The following RUNX1 variants were observed in gnomAD, a reference collection of about 807,000 sequenced individuals.
RUNX1 encodes the protein runt-related transcription factor 1.
In RUNX1, 19 loss-of-function variants were observed where a neutral mutation model predicts 42.8. The ratio of observed to expected loss-of-function variants is 0.44; its 90% CI spans 0.31 to 0.65. RUNX1 has a LOEUF of 0.65. RUNX1 is among the 30% of genes least tolerant of loss of function. RUNX1 has a pLI of 0.07. For synonymous variants in RUNX1, 271 were observed against 289.4 expected, an observed-to-expected ratio of 0.94 and a Z score of 0.64; for missense variants, 528 against 672.0, an observed-to-expected ratio of 0.79 and a Z score of 2.37.
chr21:34,940,118 T>C (rs2058515817), intron 2 of RUNX1, among the ~76,000 whole-genome samples: 1 of 152,194 alleles, frequency 6.6e-6, no homozygotes, highest in South Asian at 2.1e-4. Context: ...TTCCGATGGT[T>C]TTTTTGCTGT....
intron 5 of RUNX1, among the ~76,000 whole-genome samples, chr21:34,875,156 GC>G (rs2057796204): frequency 6.6e-6 from 1 of 152,256 alleles, no homozygotes; most frequent in Non-Finnish European, 1.5e-5. Context: ...CCTGTTGCAA[GC>G]ACAAGCAGTT....
At position 34,925,830 on chromosome 21, in the gene RUNX1, C is replaced by T. The variant is rs371004345; in HGVS notation, c.59-32867G>A. Among the ~76,000 whole-genome samples the T allele has an allele frequency of 2.6e-4, 39 of 152,124 alleles. No homozygotes were observed. The East Asian group carries it at 3.3e-3, about 13-fold the overall frequency. Reference sequence around the variant, plus strand: ...AAAGAGGTTCGAGAAATAATTGGTACGTAAATGTTGAATGGGTGCATGAAA... The same window carrying T: ...AAAGAGGTTCGAGAAATAATTGGTATGTAAATGTTGAATGGGTGCATGAAA... On this transcript the variant is annotated intron_variant, in intron 2 of 8. Transcript: ENST00000675419.
chr21:34,819,253 T>C (rs1227661595), intron 7 of RUNX1, among the ~76,000 whole-genome samples: 1 of 152,196 alleles, frequency 6.6e-6, no homozygotes, highest in Non-Finnish European at 1.5e-5. Context: ...ACCTGTTCTT[T>C]AGAAACTTGT....
At chr21:34,898,659 C>T (rs1448132793) in intron 2 of RUNX1, among the ~76,000 whole-genome samples, 1 of 152,204 alleles carries the variant, frequency 6.6e-6, no homozygotes, top group Non-Finnish European at 1.5e-5. Context: ...CTCTCATTCC[C>T]ACACAAACGC....
At chr21:35,000,236 C>CTTT (rs397866864) in intron 2 of RUNX1, among the ~76,000 whole-genome samples, 168 of 110,908 alleles carry the variant, frequency 1.5e-3, no homozygotes, top group Non-Finnish European at 2.0e-3. Context: ...TTCTTTCTTT[C>CTTT]TTTTTTTTTT....
At chr21:35,001,305 G>GTT (rs1491420207) in intron 2 of RUNX1, among the ~76,000 whole-genome samples, 1 of 74,672 alleles carries the variant, frequency 1.3e-5, no homozygotes, top group East Asian at 2.6e-4. Context: ...TTGAGTTATG[G>GTT]TTTTATATAT....
intron 2 of RUNX1, among the ~76,000 whole-genome samples, chr21:35,007,118 T>C (rs1327572402): frequency 6.6e-6 from 1 of 152,210 alleles, no homozygotes; most frequent in Non-Finnish European, 1.5e-5. Context: ...GTGTAAGCTA[T>C]GGCATTAATA....
intron 2 of RUNX1, among the ~76,000 whole-genome samples, chr21:35,028,057 G>C (rs1377766218): frequency 6.6e-6 from 1 of 152,188 alleles, no homozygotes; most frequent in Non-Finnish European, 1.5e-5. Context: ...TCCCTCCAGA[G>C]GCAGTGCCAG....
chr21:34,887,658 A>G (rs2058018475), intron 3 of RUNX1: 21 of 1,078,236 alleles, frequency 1.9e-5, no homozygotes, highest in Non-Finnish European at 2.1e-5. Context: ...GCAAGAGCTG[A>G]GACTTCCAAA....
chr21:35,045,858 C>T lies in RUNX1; in HGVS notation c.58+2984G>A, dbSNP rs1191601340. 5.3e-5 allele frequency among the ~76,000 whole-genome samples: 8 copies of T among 152,088 alleles called. No individual in the cohort carries two copies. The East Asian group carries it at 1.2e-3, about 22-fold the overall frequency. On this transcript the variant is annotated intron_variant, in intron 2 of 8. Transcript: ENST00000675419. ...CTGCTTCAGTGGGGTAAACTTGAAC[C>T]GCTGAGAAGACAAGCAGGGAGTCGG... is the stretch of plus-strand genomic sequence containing the variant.
rs529044293 is a variant in RUNX1, at chr21:34,790,347, T to C, written c.*1788A>G. ...AATTTATAAAATAAAAATCAAACAC[T>C]GTTCTGAAGTCCTGCTTTCAAATAC... On this transcript the variant is annotated 3_prime_UTR_variant, in exon 9 of 9. Coordinates refer to ENST00000675419, the MANE Select transcript of RUNX1 (RefSeq NM_001754.5). The C allele has an allele frequency of 1.0e-4, 24 of 233,694 alleles. No homozygotes were observed. In the East Asian group the frequency reaches 1.4e-3, roughly 14 times the overall value. 14.5% of individuals were successfully genotyped at this position (233,694 alleles called of 1,614,324 possible).
chr21:34,901,786 T>C lies in RUNX1; in HGVS notation c.59-8823A>G, dbSNP rs2058179796. On this transcript the variant is annotated intron_variant, in intron 2 of 8. Coordinates refer to ENST00000675419, the MANE Select transcript of RUNX1 (RefSeq NM_001754.5). This position sits in a 1 kb window ranked among gnomAD's most constrained non-coding sequence, Gnocchi z 4.3. ...CCTTCAGCTAAGCATTGTGAGAAAG[T>C]ATCCAAGTGGAGCATCTGAAAATTG... Among the ~76,000 whole-genome samples, 1 of 152,184 alleles carries C rather than the reference T, an allele frequency of 6.6e-6. No individual in the cohort carries two copies. The highest frequency in any genetic ancestry group is 6.5e-5 in the Admixed American group (1 of 15,284).
chr21:34,879,811 T>A (rs988764183), intron 5 of RUNX1, among the ~76,000 whole-genome samples: 8 of 152,140 alleles, frequency 5.3e-5, no homozygotes, highest in Admixed American at 1.3e-4. Context: ...AAAATTACAA[T>A]AAGCCAAGAT....
At chr21:34,872,255 C>A (rs2057749377) in intron 5 of RUNX1, among the ~76,000 whole-genome samples, 1 of 152,224 alleles carries the variant, frequency 6.6e-6, no homozygotes, top group Non-Finnish European at 1.5e-5. Flanking sequence ...AGCAGTGAGC[C>A]TCTGGCAGAG....
At chr21:34,923,063 T>C (rs2058366041) in intron 2 of RUNX1, among the ~76,000 whole-genome samples, 1 of 152,202 alleles carries the variant, frequency 6.6e-6, no homozygotes, top group African/African-American at 2.4e-5. Flanking sequence ...CAGATGGTCA[T>C]TACCAATGTC....
chr21:34,800,838 G>A (rs58508613), intron 7 of RUNX1, among the ~76,000 whole-genome samples: 2,895 of 152,124 alleles, frequency 0.019, 86 homozygotes, highest in African/African-American at 0.067. Context: ...AAAAAACCTG[G>A]TAGTTCCCAG....
At chr21:34,958,416 A>C (rs895297788) in intron 2 of RUNX1, among the ~76,000 whole-genome samples, 1 of 152,256 alleles carries the variant, frequency 6.6e-6, no homozygotes, top group Non-Finnish European at 1.5e-5. Context: ...TCTCAAAAGA[A>C]GACATTTATG....
chr21:34,871,912 C>T (rs374643351), intron 5 of RUNX1, among the ~76,000 whole-genome samples: 68 of 151,576 alleles, frequency 4.5e-4, no homozygotes, highest in African/African-American at 1.4e-3. Flanking sequence ...GGCATAATCT[C>T]GGCTCACTGC....
chr21:34,995,621 T>C (rs545774234), intron 2 of RUNX1, among the ~76,000 whole-genome samples: 1 of 152,042 alleles, frequency 6.6e-6, no homozygotes, highest in African/African-American at 2.4e-5. Flanking sequence ...TTGTATTTTT[T>C]GTAGAGACAG....
Sources: allele counts gnomAD v4.1 joint callset (sites outside exome capture counted in the v4.1 genomes callset), GRCh38; gene constraint gnomAD v4.1.1; non-coding constraint Gnocchi (gnomAD v3.1); transcripts MANE v1.5; gene names NCBI Gene and HGNC (gene_info 2026-07-23, HGNC 2026-07-21).